The following APBB2 variants were observed in gnomAD, a reference collection of about 807,000 sequenced individuals.
APBB2 encodes the protein Fe65-like 1.
Under a neutral mutation model 82.5 loss-of-function variants are expected in APBB2, and 38 were observed. The ratio of observed to expected loss-of-function variants is 0.46; its 90% CI spans 0.36 to 0.60. The LOEUF (loss-of-function observed/expected upper bound fraction) is 0.60, where lower values mean the gene tolerates loss of function less well. Among genes scored for constraint, APBB2 ranks in the 20% least tolerant of loss-of-function variants. APBB2 has a pLI of 0.00. For synonymous variants in APBB2, 341 were observed against 368.2 expected (o/e 0.93, Z 0.85); for missense variants, 772 against 972.3 (o/e 0.79, Z 2.74).
At chr4:40,921,074 A>G (rs1781139110) in intron 10 of APBB2, among the ~76,000 whole-genome samples, 1 of 152,196 alleles carries the variant, frequency 6.6e-6, no homozygotes, top group Non-Finnish European at 1.5e-5. Flanking sequence ...GACCCTCACA[A>G]GGCTTGTGGG....
intron 12 of APBB2, among the ~76,000 whole-genome samples, chr4:40,839,147 AG>A: frequency 6.6e-6 from 1 of 151,582 alleles, no homozygotes; most frequent in Non-Finnish European, 1.5e-5. Flanking sequence ...GTGCAATCAA[AG>A]CTCATTGTAG....
chr4:40,987,946 G>T (rs1004451069), intron 6 of APBB2, among the ~76,000 whole-genome samples: 1 of 152,170 alleles, frequency 6.6e-6, no homozygotes, highest in Non-Finnish European at 1.5e-5. Context: ...ATTAAAATGA[G>T]ATTTTTATAT....
At chr4:41,110,919 T>C (rs1275965055) in intron 2 of APBB2, among the ~76,000 whole-genome samples, 1 of 152,196 alleles carries the variant, frequency 6.6e-6, no homozygotes, top group Non-Finnish European at 1.5e-5. Context: ...TACATTGTAA[T>C]ATATAATGAA....
At chr4:40,930,448 T>TGCGCGC (rs1174752964) in intron 10 of APBB2, among the ~76,000 whole-genome samples, 14 of 66,536 alleles carry the variant, frequency 2.1e-4, no homozygotes, top group African/African-American at 2.0e-4. Context: ...TGTGTGTGTG[T>TGCGCGC]GCGCGCGCGC....
intron 10 of APBB2, among the ~76,000 whole-genome samples, chr4:40,915,234 G>A (rs1444098964): frequency 6.6e-6 from 1 of 152,000 alleles, no homozygotes; most frequent in Non-Finnish European, 1.5e-5. Flanking sequence ...CGTACTCAGT[G>A]TCACCTTCTG....
intron 10 of APBB2, among the ~76,000 whole-genome samples, chr4:40,911,860 G>A (rs967350882): frequency 1.3e-5 from 2 of 152,154 alleles, no homozygotes; most frequent in Non-Finnish European, 2.9e-5. Context: ...GTGGGATCTA[G>A]ATAACTCATT....
chr4:41,088,823 G>T (rs1740753461), intron 3 of APBB2, among the ~76,000 whole-genome samples: 1 of 152,198 alleles, frequency 6.6e-6, no homozygotes, highest in South Asian at 2.1e-4. Flanking sequence ...ATGAGGGATG[G>T]AAAGGAAAAT....
At chr4:41,126,611 A>G (rs1754475037) in intron 2 of APBB2, among the ~76,000 whole-genome samples, 1 of 152,172 alleles carries the variant, frequency 6.6e-6, no homozygotes. Context: ...CTGCCATAAC[A>G]AAGTACCACG....
At chr4:41,000,502 T>A (rs919209536) in intron 6 of APBB2, among the ~76,000 whole-genome samples, 11 of 152,170 alleles carry the variant, frequency 7.2e-5, no homozygotes, top group Non-Finnish European at 1.6e-4. Context: ...GCTCACAGGT[T>A]AAGCAAGTGA....
intron 10 of APBB2, among the ~76,000 whole-genome samples, chr4:40,901,909 A>ATGTGTGTGTGTGTG (rs35766512): frequency 8.0e-4 from 116 of 145,538 alleles, no homozygotes; most frequent in African/African-American, 2.8e-3. Context: ...ATCCAAAATT[A>ATGTGTGTGTGTGTG]TGTGTGTGTG....
chr4:40,864,844 C>T (rs957015380), intron 12 of APBB2, among the ~76,000 whole-genome samples: 2 of 129,420 alleles, frequency 1.5e-5, no homozygotes, highest in Non-Finnish European at 3.1e-5. Context: ...GTCAGCACAA[C>T]GTTTGATTCT....
intron 12 of APBB2, among the ~76,000 whole-genome samples, chr4:40,861,596 A>G (rs1209559257): frequency 2.0e-5 from 3 of 152,244 alleles, no homozygotes; most frequent in Non-Finnish European, 4.4e-5. Context: ...TATCTATGTT[A>G]GATAAACTCT....
intron 1 of APBB2, among the ~76,000 whole-genome samples, chr4:41,151,624 CT>C (rs112954163): frequency 0.37 from 56,186 of 151,610 alleles, 12,346 homozygotes; most frequent in African/African-American, 0.63. Context: ...TGAATGACAG[CT>C]TTTTTTGACA....
At chr4:41,109,995 T>C (rs1038734764) in intron 2 of APBB2, among the ~76,000 whole-genome samples, 3 of 152,216 alleles carry the variant, frequency 2.0e-5, no homozygotes, top group South Asian at 2.1e-4. Context: ...CCTTGAAGGA[T>C]GAGACAAATT....
At chr4:40,994,745 C>T (rs1228480094) in intron 6 of APBB2, among the ~76,000 whole-genome samples, 1 of 146,054 alleles carries the variant, frequency 6.8e-6, no homozygotes, top group Non-Finnish European at 1.5e-5. Context: ...ACCTGGGAGG[C>T]GGAGGTAGCA....
intron 4 of APBB2, among the ~76,000 whole-genome samples, chr4:41,040,182 A>G (rs1338373002): frequency 6.6e-6 from 1 of 152,148 alleles, no homozygotes; most frequent in East Asian, 1.9e-4. Context: ...AACTGTCGGC[A>G]GATGCTTGCT....
chr4:41,101,333 G>A (rs893102031), intron 2 of APBB2, among the ~76,000 whole-genome samples: 7 of 149,526 alleles, frequency 4.7e-5, no homozygotes, highest in Admixed American at 2.0e-4. Context: ...GCGCGGTGGC[G>A]GGCGCCTGTA....
intron 4 of APBB2, among the ~76,000 whole-genome samples, chr4:41,034,213 T>G (rs1028017536): frequency 2.0e-5 from 3 of 150,610 alleles, no homozygotes; most frequent in Admixed American, 1.3e-4. Flanking sequence ...CACCTAGATG[T>G]TCTTCAGTGC....
chr4:41,134,967 C>G (rs1164882053), intron 2 of APBB2, among the ~76,000 whole-genome samples: 2 of 152,240 alleles, frequency 1.3e-5, no homozygotes, highest in Non-Finnish European at 2.9e-5. Flanking sequence ...TTAATGACTG[C>G]TCAAGACCAG....
Sources: allele counts gnomAD v4.1 joint callset (sites outside exome capture counted in the v4.1 genomes callset), GRCh38; gene constraint gnomAD v4.1.1; transcripts MANE v1.5; gene names NCBI Gene and HGNC (gene_info 2026-07-23, HGNC 2026-07-21).